The following AKAP19 variants were observed in gnomAD, a reference collection of about 807,000 sequenced individuals.
AKAP19 encodes small A-kinase anchoring protein.
At chr2:190,147,550 T>C in the AKAP19 span, among the ~76,000 whole-genome samples, 1 of 152,176 alleles carries the variant, frequency 6.6e-6, no homozygotes, top group Non-Finnish European at 1.5e-5. Context: ...TGGTGGTATT[T>C]TGGTGGGGAT....
the AKAP19 span, among the ~76,000 whole-genome samples, chr2:190,154,699 G>A: frequency 6.6e-6 from 1 of 152,168 alleles, no homozygotes; most frequent in African/African-American, 2.4e-5. Context: ...CTTATTTCAT[G>A]CACACAAACC....
At chr2:189,978,992 A>C in the AKAP19 span, among the ~76,000 whole-genome samples, 2 of 152,182 alleles carry the variant, frequency 1.3e-5, no homozygotes, top group South Asian at 2.1e-4. Context: ...TATCATTAAA[A>C]TGACCATACC....
chr2:190,071,084 G>T, the AKAP19 span, among the ~76,000 whole-genome samples: 1 of 152,142 alleles, frequency 6.6e-6, no homozygotes, highest in Admixed American at 6.5e-5. Context: ...AGGCTAGTGT[G>T]TGTGTTTGTG....
At chr2:190,194,175 T>C in the AKAP19 span, among the ~76,000 whole-genome samples, 1 of 152,200 alleles carries the variant, frequency 6.6e-6, no homozygotes, top group East Asian at 1.9e-4. Flanking sequence ...ATAGTCTATC[T>C]TGGTGAATGT....
the AKAP19 span, among the ~76,000 whole-genome samples, chr2:190,034,205 C>A: frequency 6.6e-6 from 1 of 151,852 alleles, no homozygotes; most frequent in Non-Finnish European, 1.5e-5. Flanking sequence ...CAGCTTAATT[C>A]TTTTCATTTT....
the AKAP19 span, among the ~76,000 whole-genome samples, chr2:189,903,460 A>C: frequency 6.6e-6 from 1 of 152,006 alleles, no homozygotes; most frequent in Admixed American, 6.6e-5. Flanking sequence ...TTGTAGTTTA[A>C]GTATACCTTA....
the AKAP19 span, chr2:190,060,008 T>C: frequency 6.4e-7 from 1 of 1,553,016 alleles, no homozygotes; most frequent in East Asian, 2.3e-5. Context: ...TGTTTGTTCA[T>C]ATTATGAATA....
At chr2:190,029,698 C>T in the AKAP19 span, among the ~76,000 whole-genome samples, 1 of 152,090 alleles carries the variant, frequency 6.6e-6, no homozygotes, top group Admixed American at 6.6e-5. Context: ...TAGCCAGGGA[C>T]ATGTGTAAAA....
chr2:189,948,591 C>T, the AKAP19 span, among the ~76,000 whole-genome samples: 1 of 152,136 alleles, frequency 6.6e-6, no homozygotes, highest in East Asian at 1.9e-4. Flanking sequence ...CATGGTAGGA[C>T]CATGTCTGTC....
At chr2:190,135,183 A>G in the AKAP19 span, among the ~76,000 whole-genome samples, 2 of 152,240 alleles carry the variant, frequency 1.3e-5, no homozygotes, top group Non-Finnish European at 2.9e-5. Flanking sequence ...TTTCCCAGTA[A>G]CTTCTCAGTC....
At chr2:190,102,527 CAA>C in the AKAP19 span, among the ~76,000 whole-genome samples, 2 of 151,766 alleles carry the variant, frequency 1.3e-5, no homozygotes, top group African/African-American at 4.9e-5. Flanking sequence ...TACAGAAATA[CAA>C]AAGATTCTCA....
the AKAP19 span, among the ~76,000 whole-genome samples, chr2:189,977,889 A>C: frequency 6.6e-6 from 1 of 152,230 alleles, no homozygotes; most frequent in East Asian, 1.9e-4. Flanking sequence ...TTCAGTAGAA[A>C]CCATACTGCT....
At chr2:190,180,003 T>C in the AKAP19 span, among the ~76,000 whole-genome samples, 4 of 152,240 alleles carry the variant, frequency 2.6e-5, no homozygotes, top group Non-Finnish European at 4.4e-5. The surrounding 1 kb of genome is among the most constrained non-coding windows in gnomAD (Gnocchi z 6.8). Flanking sequence ...GAGGCAGTGG[T>C]ATTCAATGCT....
chr2:190,098,215 T>C, the AKAP19 span, among the ~76,000 whole-genome samples: 2 of 152,320 alleles, frequency 1.3e-5, no homozygotes, highest in South Asian at 2.1e-4. Flanking sequence ...ATGGCAACTA[T>C]AGCCTTATAA....
At chr2:189,952,539 T>G in the AKAP19 span, among the ~76,000 whole-genome samples, 1 of 152,214 alleles carries the variant, frequency 6.6e-6, no homozygotes, top group Non-Finnish European at 1.5e-5. Flanking sequence ...ATTTTAGGTT[T>G]TATCTGTTCT....
chr2:190,067,934 G>A, the AKAP19 span, among the ~76,000 whole-genome samples: 1 of 152,042 alleles, frequency 6.6e-6, no homozygotes. Flanking sequence ...AGGCACGGTG[G>A]CTCATGCCTG....
the AKAP19 span, among the ~76,000 whole-genome samples, chr2:190,195,093 G>T: frequency 6.6e-6 from 1 of 152,022 alleles, no homozygotes; most frequent in African/African-American, 2.4e-5. Context: ...TGAACTCCTG[G>T]GCTCAAATGA....
the AKAP19 span, chr2:190,057,006 A>G: frequency 2.1e-6 from 1 of 471,370 alleles, no homozygotes. Context: ...ATATAGGAAC[A>G]TAAATGTAAT....
At chr2:190,116,570 C>T in the AKAP19 span, among the ~76,000 whole-genome samples, 2 of 152,196 alleles carry the variant, frequency 1.3e-5, no homozygotes, top group African/African-American at 4.8e-5. Flanking sequence ...CAGTTGTAGC[C>T]TGCTAGCCCT....
Sources: gnomAD v4.1 joint callset for allele counts (sites outside exome capture counted in the v4.1 genomes callset) on GRCh38, gnomAD v4.1.1 for gene constraint, Gnocchi (gnomAD v3.1) non-coding constraint, MANE v1.5 for transcripts, NCBI Gene and HGNC (gene_info 2026-07-23, HGNC 2026-07-21) for gene names.